NEDD4: variants seen among roughly 807,000 people sequenced by gnomAD.
The protein encoded by NEDD4 is NEDD4 E3 ubiquitin protein ligase.
A neutral mutation model predicts 144.9 loss-of-function variants in NEDD4; 99 were observed. The observed-to-expected ratio is 0.68, with a 90% CI of 0.58 to 0.81. The LOEUF is 0.81. NEDD4 is among the 30% of genes least tolerant of loss of function. The pLI is 0.00. For missense variants in NEDD4, 985 were observed against 1,065.9 expected (o/e 0.92, Z 1.06); for synonymous variants, 318 against 350.6 (o/e 0.91, Z 1.04).
chr15:55,953,760 C>T (rs1250464895), intron 2 of NEDD4, among the ~76,000 whole-genome samples: 2 of 149,496 alleles, frequency 1.3e-5, no homozygotes, highest in East Asian at 2.0e-4. Context: ...CTTGCTCTGT[C>T]GCCAGGCTGG....
chr15:55,853,129 A>C (rs531461054), intron 12 of NEDD4, among the ~76,000 whole-genome samples: 2 of 152,314 alleles, frequency 1.3e-5, no homozygotes, highest in East Asian at 1.9e-4. Flanking sequence ...GCTTTAAAAC[A>C]AATTATATTT....
intron 1 of NEDD4, among the ~76,000 whole-genome samples, chr15:55,985,088 C>A (rs1229503308): frequency 6.6e-6 from 1 of 152,184 alleles, no homozygotes; most frequent in Non-Finnish European, 1.5e-5. Flanking sequence ...AGTGACAGGG[C>A]CAGAATTCCA....
chr15:55,983,307 C>CGCGA (rs1436286546), intron 1 of NEDD4, among the ~76,000 whole-genome samples: 3 of 145,144 alleles, frequency 2.1e-5, no homozygotes, highest in African/African-American at 7.3e-5. Context: ...TGTGCGTGCG[C>CGCGA]GCGCGTGCGT....
chr15:55,986,100 T>A (rs140034645), intron 1 of NEDD4, among the ~76,000 whole-genome samples: 77 of 152,296 alleles, frequency 5.1e-4, no homozygotes, highest in African/African-American at 1.7e-3. Context: ...TACAACCTGC[T>A]GAATAAAGTG....
At chr15:55,953,784 G>A (rs776941954) in intron 2 of NEDD4, among the ~76,000 whole-genome samples, 71 of 152,040 alleles carry the variant, frequency 4.7e-4, no homozygotes, top group Non-Finnish European at 8.7e-4. Flanking sequence ...GCAATGGCAC[G>A]ATCTCGGCTC....
chr15:55,929,433 C>G (rs2036737675), intron 4 of NEDD4, among the ~76,000 whole-genome samples: 5 of 151,890 alleles, frequency 3.3e-5, no homozygotes, highest in Admixed American at 3.3e-4. Context: ...TATTTCATCC[C>G]AGGTAATAAG....
rs2033289024 is a variant in NEDD4, at chr15:55,837,958, C to G, written c.2202-109G>C. Reference sequence around the variant, plus strand: ...AGGCTAGCTGAGACCAAGGTAAAAGCTGAATATGAGTGCTTGCTACTGCAT... The same window carrying G: ...AGGCTAGCTGAGACCAAGGTAAAAGGTGAATATGAGTGCTTGCTACTGCAT... On this transcript the variant is annotated intron_variant, in intron 23 of 28. Transcript: ENST00000435532. 7 of 963,300 alleles carry G rather than the reference C, an allele frequency of 7.3e-6. No homozygotes were observed. In the South Asian group the frequency reaches 9.3e-5, roughly 13 times the overall value. 59.7% of individuals were successfully genotyped at this position (963,300 alleles called of 1,614,324 possible).
chr15:55,945,386 A>G (rs1241135317), intron 4 of NEDD4, among the ~76,000 whole-genome samples: 1 of 152,246 alleles, frequency 6.6e-6, no homozygotes, highest in Non-Finnish European at 1.5e-5. Context: ...TCAGTAGCTG[A>G]TTCAATCAAG....
Position 55,975,738 on chromosome 15 carries a change from A to G in NEDD4, c.46-9192T>C, listed in dbSNP as rs145335389. Among the ~76,000 whole-genome samples, 670 of 152,322 alleles carry G rather than the reference A, an allele frequency of 4.4e-3. 6 individuals are homozygous for G. Among genetic ancestry groups the G allele is most frequent in the African/African-American group, 0.015 (641 of 41,580 alleles). On this transcript the variant is annotated intron_variant, in intron 1 of 28. Coordinates refer to ENST00000435532, the MANE Select transcript of NEDD4 (RefSeq NM_006154.4). ...AATCTACAGATTCAATGCAACTCCT[A>G]TCACAATACCAATGACATACTTCAC...
chr15:55,918,144 C>A (rs1284912703), intron 5 of NEDD4, among the ~76,000 whole-genome samples: 1 of 152,084 alleles, frequency 6.6e-6, no homozygotes, highest in East Asian at 1.9e-4. Flanking sequence ...GCTAGCCCTA[C>A]CCTAGAGGTG....
At chr15:55,911,801 T>A (rs571884735) in intron 5 of NEDD4, among the ~76,000 whole-genome samples, 93 of 152,314 alleles carry the variant, frequency 6.1e-4, no homozygotes, top group Non-Finnish European at 1.1e-3. Context: ...GTGCTGGGAT[T>A]ACAGGCGTGA....
In NEDD4 at chr15:55,834,268, G is replaced by GT. The variant is rs2033093907; in HGVS notation, c.2280dup (p.Pro761ThrfsTer9). The GT allele has an allele frequency of 6.2e-7, 1 of 1,606,678 alleles. No individual in the cohort carries two copies. The highest frequency in any genetic ancestry group is 8.5e-7 in the Non-Finnish European group (1 of 1,173,808). On this transcript the variant is annotated frameshift_variant, in exon 25 of 29. Coordinates refer to ENST00000435532, the MANE Select transcript of NEDD4 (RefSeq NM_006154.4). LOFTEE classifies it high-confidence loss of function. ...TCAAAAATTTTGATGAGATCCTGTG[G>GT]TATTAGTTCAAAGAATCCCTAGAAA...
chr15:55,832,404 C>T (rs1263266495), intron 27 of NEDD4, among the ~76,000 whole-genome samples: 1 of 152,050 alleles, frequency 6.6e-6, no homozygotes, highest in Admixed American at 6.6e-5. Flanking sequence ...TGAACTATCA[C>T]ATTAGAAGTA....
chr15:55,878,042 AATTT>A (rs1313194187), intron 5 of NEDD4, among the ~76,000 whole-genome samples: 4 of 152,158 alleles, frequency 2.6e-5, no homozygotes, highest in African/African-American at 9.7e-5. Context: ...AACCCTGATA[AATTT>A]TACTGGAGAA....
At chr15:55,901,805 CACA>C (rs2035922821) in intron 5 of NEDD4, among the ~76,000 whole-genome samples, 2 of 152,056 alleles carry the variant, frequency 1.3e-5, no homozygotes, top group Non-Finnish European at 2.9e-5. Context: ...CAGACACTCT[CACA>C]ACAATATAAG....
At chr15:55,830,412 C>CA in intron 28 of NEDD4, 102 bp downstream of exon 28, 1 of 1,019,426 alleles carries the variant, frequency 9.8e-7, no homozygotes, top group Non-Finnish European at 1.5e-6. Context: ...CCATACCTGC[C>CA]ACCGACATAA....
intron 2 of NEDD4, among the ~76,000 whole-genome samples, chr15:55,955,679 A>G (rs1333001581): frequency 6.6e-6 from 1 of 151,046 alleles, no homozygotes; most frequent in Non-Finnish European, 1.5e-5. Context: ...ATGTATATAC[A>G]TTTCTTTTTT....
At chr15:55,852,690 AATATATATATATAT>A (rs59736982) in intron 12 of NEDD4, 147 bp from the exon 13 acceptor site, 254 of 183,898 alleles carry the variant, frequency 1.4e-3, no homozygotes, top group East Asian at 4.5e-3. Flanking sequence ...CTTTTCTAGA[AATATATATATATAT>A]ATATATATAT....
At chr15:55,981,021 G>T (rs943599335) in intron 1 of NEDD4, among the ~76,000 whole-genome samples, 1 of 151,588 alleles carries the variant, frequency 6.6e-6, no homozygotes, top group Non-Finnish European at 1.5e-5. Flanking sequence ...AAATTGCTAG[G>T]GAGGGATGCA....
Sources: allele counts gnomAD v4.1 joint callset (sites outside exome capture counted in the v4.1 genomes callset), GRCh38; gene constraint gnomAD v4.1.1; transcripts MANE v1.5; gene names NCBI Gene and HGNC (gene_info 2026-07-23, HGNC 2026-07-21).